TCTN1: variants seen among roughly 807,000 people sequenced by gnomAD.
TCTN1 encodes the protein tectonic-1.
TCTN1 carries 58 observed loss-of-function variants against 65.8 expected under a neutral mutation model. The observed-to-expected ratio is 0.88, with a 90% CI of 0.71 to 1.10. The LOEUF (loss-of-function observed/expected upper bound fraction) is 1.10, where lower values mean the gene tolerates loss of function less well. TCTN1 is among the 50% of genes least tolerant of loss of function. The pLI, the probability that TCTN1 is intolerant of heterozygous loss-of-function variation, is 0.00. For synonymous variants in TCTN1, 273 were observed against 289.1 expected, an observed-to-expected ratio of 0.94 and a Z score of 0.57; for missense variants, 645 against 719.4, an observed-to-expected ratio of 0.90 and a Z score of 1.18.
At chr12:110,628,049 C>T (rs1565974946) in intron 3 of TCTN1, 1 of 1,535,796 alleles carries the variant, frequency 6.5e-7, no homozygotes, top group Admixed American at 2.0e-5. Context: ...CTTCTGTACA[C>T]AGCACATTTT....
chr12:110,637,295 G>T (rs1157308356), intron 7 of TCTN1, among the ~76,000 whole-genome samples: 2 of 152,234 alleles, frequency 1.3e-5, no homozygotes, highest in African/African-American at 2.4e-5. Context: ...TGAGGTGCTG[G>T]TGCGGCATCT....
intron 5 of TCTN1, among the ~76,000 whole-genome samples, chr12:110,633,136 C>T (rs1047850440): frequency 6.6e-6 from 1 of 152,196 alleles, no homozygotes; most frequent in Non-Finnish European, 1.5e-5. Flanking sequence ...CTGTGCTCCC[C>T]TATGCTCCTC....
At chr12:110,628,368 T>A in intron 3 of TCTN1, 31 of 830,706 alleles carry the variant, frequency 3.7e-5, no homozygotes, top group Non-Finnish European at 5.5e-5. Context: ...TGAGATGAAG[T>A]CTCACTGTGT....
chr12:110,647,616 A>C, intron 13 of TCTN1, 133 bp from the exon 14 acceptor site: 1 of 1,378,526 alleles, frequency 7.3e-7, no homozygotes, highest in Non-Finnish European at 1.0e-6. Context: ...GTTAATGGCC[A>C]ATTAGTGCTC....
At chr12:110,641,448 A>G in intron 9 of TCTN1, 94 bp from the exon 10 acceptor site, 1 of 1,252,962 alleles carries the variant, frequency 8.0e-7, no homozygotes, top group Non-Finnish European at 1.2e-6. Flanking sequence ...TTGGTTGGTA[A>G]TTCCATATTT....
intron 4 of TCTN1, among the ~76,000 whole-genome samples, chr12:110,631,213 C>T (rs186905887): frequency 8.6e-5 from 13 of 151,508 alleles, no homozygotes; most frequent in South Asian, 4.2e-4. Context: ...TTTGTAGAGA[C>T]GGGGTTTCAC....
At chr12:110,618,607 T>G (rs1391811314) in intron 1 of TCTN1, among the ~76,000 whole-genome samples, 1 of 151,916 alleles carries the variant, frequency 6.6e-6, no homozygotes, top group African/African-American at 2.4e-5. Flanking sequence ...ACTCCTGACC[T>G]CAAGTGATCT....
intron 2 of TCTN1, among the ~76,000 whole-genome samples, chr12:110,620,931 GC>G (rs1295927784): frequency 1.1e-4 from 17 of 151,666 alleles, no homozygotes; most frequent in African/African-American, 3.4e-4. Context: ...TCCTGTCTCA[GC>G]CTCCTGAGTA....
rs2067168686 is a variant in TCTN1, at chr12:110,644,495, G to A, written c.1332-472G>A. The A allele has an allele frequency of 4.5e-6, 1 of 224,008 alleles. No individual in the cohort carries two copies. Among genetic ancestry groups the A allele is most frequent in the Non-Finnish European group, 8.9e-6 (1 of 112,106 alleles). 13.9% of individuals were successfully genotyped at this position (224,008 alleles called of 1,614,324 possible). A position where few individuals can be genotyped will look rare whatever the true frequency, so the allele number is the denominator to read the frequency against. ...GTTCGAGACCAGCCTGGCCAACATG[G>A]TGAAACCCCGTCTCTACTAAAAATA... On this transcript the variant is annotated intron_variant, in intron 11 of 14. Coordinates refer to ENST00000397659, the MANE Select transcript of TCTN1 (RefSeq NM_001082538.3). The surrounding 1 kb of genome is among the most constrained non-coding windows in gnomAD (Gnocchi z 4.6).
chr12:110,622,099 T>C (rs916997000), intron 2 of TCTN1, among the ~76,000 whole-genome samples: 1 of 151,596 alleles, frequency 6.6e-6, no homozygotes, highest in Non-Finnish European at 1.5e-5. Context: ...ATCGCACCAT[T>C]GCACTCTAGC....
At position 110,623,357 on chromosome 12, in the gene TCTN1, T is replaced by C. The variant is rs972676623; in HGVS notation, c.342-3005T>C. Among the ~76,000 whole-genome samples, 4 of 152,214 alleles carry C rather than the reference T, an allele frequency of 2.6e-5. No individual in the cohort carries two copies. In the South Asian group the frequency reaches 6.2e-4, roughly 24 times the overall value. ...CTACTGTCTGTCTGATTTCTACTTA[T>C]CCTTTAAGGCCCAGTAAAAACGGAA... On this transcript the variant is annotated intron_variant, in intron 2 of 14. Transcript: ENST00000397659.
At chr12:110,645,825 C>G (rs1341942626) in intron 12 of TCTN1, 2 of 154,048 alleles carry the variant, frequency 1.3e-5, no homozygotes, top group African/African-American at 4.8e-5. Context: ...TCTTGTCACG[C>G]TTTCTTCAGA....
chr12:110,636,293 A>T (rs2066562268), intron 6 of TCTN1, 188 bp from the exon 7 acceptor site: 1 of 528,414 alleles, frequency 1.9e-6, no homozygotes, highest in East Asian at 3.4e-5. Flanking sequence ...ACGCAATGTG[A>T]CCTCTTTGAT....
intron 10 of TCTN1, 65 bp from the exon 11 acceptor site, chr12:110,642,184 T>C: frequency 6.2e-7 from 1 of 1,608,820 alleles, no homozygotes; most frequent in Non-Finnish European, 8.5e-7. Flanking sequence ...CAAGTGACAC[T>C]GTCTTCTTAC....
intron 6 of TCTN1, among the ~76,000 whole-genome samples, chr12:110,635,081 A>C (rs2066470510): frequency 6.6e-6 from 1 of 152,260 alleles, no homozygotes; most frequent in Non-Finnish European, 1.5e-5. Flanking sequence ...GAAATCATAA[A>C]AACATCTTCA....
chr12:110,641,878 C>T, intron 10 of TCTN1: 15 of 455,502 alleles, frequency 3.3e-5, no homozygotes, highest in Middle Eastern at 6.0e-4. Context: ...TTTTAATCTC[C>T]TTTTTTTTTT....
intron 11 of TCTN1, among the ~76,000 whole-genome samples, chr12:110,642,725 G>C (rs533986745): frequency 6.6e-6 from 1 of 151,126 alleles, no homozygotes; most frequent in East Asian, 2.0e-4. Context: ...AGTCTCCCAA[G>C]TAGTTGGGAC....
intron 3 of TCTN1, chr12:110,628,239 C>A: frequency 6.5e-7 from 1 of 1,535,352 alleles, no homozygotes; most frequent in Non-Finnish European, 8.7e-7. Context: ...GTGCTACAAA[C>A]TATTACTTCC....
intron 3 of TCTN1, chr12:110,628,253 T>C (rs1037952057): frequency 5.2e-6 from 8 of 1,534,654 alleles, no homozygotes; most frequent in African/African-American, 1.4e-5. Flanking sequence ...TACTTCCCCA[T>C]TATTAGAAGA....
Sources: gnomAD v4.1 joint callset for allele counts (sites outside exome capture counted in the v4.1 genomes callset) on GRCh38, gnomAD v4.1.1 for gene constraint, Gnocchi (gnomAD v3.1) non-coding constraint, MANE v1.5 for transcripts, NCBI Gene and HGNC (gene_info 2026-07-23, HGNC 2026-07-21) for gene names.